Variants in RNGTT observed in about 807,000 individuals in gnomAD.
RNGTT encodes the protein RNA guanylyltransferase and 5'-phosphatase.
Under a neutral mutation model 79.3 loss-of-function variants are expected in RNGTT, and 33 were observed. The observed-to-expected ratio is 0.42, with a 90% CI of 0.32 to 0.56. The LOEUF (loss-of-function observed/expected upper bound fraction) is 0.56, where lower values mean the gene tolerates loss of function less well. Among genes scored for constraint, RNGTT ranks in the 20% least tolerant of loss-of-function variants. The pLI is 0.17. For missense variants in RNGTT, 497 were observed against 739.1 expected, an observed-to-expected ratio of 0.67 and a Z score of 3.80; for synonymous variants, 222 against 235.9, an observed-to-expected ratio of 0.94 and a Z score of 0.54.
chr6:88,828,073 C>G (rs957780397), intron 11 of RNGTT, among the ~76,000 whole-genome samples: 1 of 152,200 alleles, frequency 6.6e-6, no homozygotes. Flanking sequence ...AATTGGGTCC[C>G]TGACCCCAGT....
chr6:88,876,506 C>A (rs1344005072), intron 8 of RNGTT, among the ~76,000 whole-genome samples: 3 of 152,162 alleles, frequency 2.0e-5, no homozygotes, highest in Non-Finnish European at 2.9e-5. Flanking sequence ...AACAGTGAGA[C>A]CCTGTCTCAA....
chr6:88,772,821 C>T (rs1778735327), intron 12 of RNGTT, among the ~76,000 whole-genome samples: 1 of 151,868 alleles, frequency 6.6e-6, no homozygotes, highest in South Asian at 2.1e-4. Context: ...CAGGAAACAA[C>T]AGGTGCTGGA....
chr6:88,775,773 A>G (rs1482662624), intron 12 of RNGTT, among the ~76,000 whole-genome samples: 2 of 152,180 alleles, frequency 1.3e-5, no homozygotes, highest in Non-Finnish European at 2.9e-5. Context: ...GAGATTCCAC[A>G]TGTAAGTGAA....
chr6:88,836,023 C>CAT lies in RNGTT; in HGVS notation c.1269+8332_1269+8333dup, dbSNP rs1231692909. The stretch of plus-strand genomic sequence containing the variant: ...ACACACACACACACACACACACACA[C>CAT]ATATATATATAAGATTTACATATAT... On this transcript the variant is annotated intron_variant, in intron 11 of 15. Transcript: ENST00000369485. 5.9e-4 allele frequency among the ~76,000 whole-genome samples: 54 copies of CAT among 92,072 alleles called. 1 individual carries two copies. The East Asian group carries it at 6.4e-3, about 11-fold the overall frequency. The allele number at this position is 92,072 out of a possible 152,430, so 60.4% of individuals were successfully genotyped here.
At chr6:88,834,768 A>G (rs57023228) in intron 11 of RNGTT, among the ~76,000 whole-genome samples, 3,129 of 152,278 alleles carry the variant, frequency 0.021, 116 homozygotes, top group African/African-American at 0.07. Context: ...ACACTTAAGA[A>G]CTTATAAATT....
intron 2 of RNGTT, among the ~76,000 whole-genome samples, chr6:88,938,009 A>C (rs1464195749): frequency 6.6e-6 from 1 of 152,192 alleles, no homozygotes; most frequent in African/African-American, 2.4e-5. Context: ...TGTATTCTAT[A>C]GCTACTGGAT....
chr6:88,844,627 C>G, intron 10 of RNGTT, 106 bp from the exon 11 acceptor site: 1 of 1,067,772 alleles, frequency 9.4e-7, no homozygotes, highest in South Asian at 1.6e-5. Flanking sequence ...AAACAGCATC[C>G]TCTGGAGTTA....
intron 8 of RNGTT, among the ~76,000 whole-genome samples, chr6:88,889,645 T>A (rs1782978460): frequency 6.6e-6 from 1 of 152,192 alleles, no homozygotes; most frequent in African/African-American, 2.4e-5. Context: ...TTATTTCAAC[T>A]TGCTAAATGA....
intron 14 of RNGTT, among the ~76,000 whole-genome samples, chr6:88,631,804 G>A (rs1218930899): frequency 7.3e-6 from 1 of 137,502 alleles, no homozygotes; most frequent in Admixed American, 7.8e-5. Flanking sequence ...GTGATAGTAG[G>A]CTATATATAT....
intron 12 of RNGTT, among the ~76,000 whole-genome samples, chr6:88,785,752 C>G (rs901869800): frequency 2.6e-5 from 4 of 152,110 alleles, no homozygotes; most frequent in African/African-American, 9.7e-5. Flanking sequence ...TACTTCAAGA[C>G]AAGGCATTAG....
chr6:88,906,344 A>G lies in RNGTT; in HGVS notation c.443+21T>C, dbSNP rs746226438. ...TTTTTTATTACAAAATACATCTTCCATTATAACAAGATACAAATACCTCCA... is the reference window on the plus strand; with the variant it reads ...TTTTTTATTACAAAATACATCTTCCGTTATAACAAGATACAAATACCTCCA... On this transcript the variant is annotated intron_variant, in intron 5 of 15. Transcript: ENST00000369485. The G allele has an allele frequency of 6.7e-6, 10 of 1,483,598 alleles. No homozygotes were observed. In the South Asian group the frequency reaches 1.2e-4, roughly 18 times the overall value. The allele number at this position is 1,483,598 out of a possible 1,614,324, so 91.9% of individuals were successfully genotyped here.
chr6:88,662,297 C>T (rs2610710), intron 14 of RNGTT, among the ~76,000 whole-genome samples: 17,634 of 152,184 alleles, frequency 0.12, 3,437 homozygotes, highest in African/African-American at 0.4. Flanking sequence ...CTGACCTAAC[C>T]GCTTGTGGAT....
intron 5 of RNGTT, among the ~76,000 whole-genome samples, chr6:88,905,965 G>A (rs1783639941): frequency 6.6e-6 from 1 of 152,024 alleles, no homozygotes; most frequent in Non-Finnish European, 1.5e-5. Context: ...GGTAACATAT[G>A]GAGACCTCCT....
At chr6:88,655,477 T>C (rs936632490) in intron 14 of RNGTT, among the ~76,000 whole-genome samples, 4 of 152,158 alleles carry the variant, frequency 2.6e-5, no homozygotes, top group Non-Finnish European at 5.9e-5. Context: ...GTGGTAGAGA[T>C]TTTTTAAAAT....
intron 1 of RNGTT, among the ~76,000 whole-genome samples, chr6:88,942,249 A>C (rs1374121023): frequency 6.6e-6 from 1 of 152,196 alleles, no homozygotes; most frequent in Non-Finnish European, 1.5e-5. Flanking sequence ...TCCTTCAAAC[A>C]ACTATCAGTG....
chr6:88,687,009 A>G lies in RNGTT; in HGVS notation c.1440-8590T>C, dbSNP rs1712625890. 2.0e-5 allele frequency among the ~76,000 whole-genome samples: 3 copies of G among 152,112 alleles called. No homozygotes were observed. In the South Asian group the frequency reaches 6.2e-4, roughly 31 times the overall value. ...AAATGGCATGGCAAAAAAACACCAT[A>G]AACAAAGTCAAAAGATAACTGACAA... is the stretch of plus-strand genomic sequence containing the variant. On this transcript the variant is annotated intron_variant, in intron 13 of 15. Transcript: ENST00000369485.
intron 12 of RNGTT, among the ~76,000 whole-genome samples, chr6:88,774,768 A>C (rs1309316510): frequency 6.6e-6 from 1 of 152,150 alleles, no homozygotes; most frequent in Non-Finnish European, 1.5e-5. Flanking sequence ...AATAGAAAAA[A>C]ATCATGGTGA....
intron 12 of RNGTT, among the ~76,000 whole-genome samples, chr6:88,789,553 C>G (rs891356704): frequency 2.0e-5 from 3 of 152,228 alleles, no homozygotes; most frequent in African/African-American, 7.2e-5. Flanking sequence ...AAGCAAGACT[C>G]TGTCTCAAAT....
intron 12 of RNGTT, among the ~76,000 whole-genome samples, chr6:88,801,036 A>G (rs1582476218): frequency 1.3e-5 from 2 of 152,212 alleles, no homozygotes; most frequent in East Asian, 3.9e-4. Flanking sequence ...CTTACTTCAA[A>G]TATATGATTC....
Sources: allele counts gnomAD v4.1 joint callset (sites outside exome capture counted in the v4.1 genomes callset), GRCh38; gene constraint gnomAD v4.1.1; transcripts MANE v1.5; gene names NCBI Gene and HGNC (gene_info 2026-07-23, HGNC 2026-07-21).